Variants in CCDC33 observed in about 807,000 individuals in gnomAD.
The protein encoded by CCDC33 is coiled-coil domain-containing protein 33.
Under a neutral mutation model 91.9 loss-of-function variants are expected in CCDC33, and 94 were observed. The ratio of observed to expected loss-of-function variants is 1.02; its 90% CI spans 0.87 to 1.21. The LOEUF is 1.21. Among genes scored for constraint, CCDC33 ranks in the 50% most tolerant of loss-of-function variants. The pLI, the probability that CCDC33 is intolerant of heterozygous loss-of-function variation, is 0.00. For synonymous variants in CCDC33, 396 were observed against 374.5 expected (o/e 1.06, Z -0.66); for missense variants, 940 against 935.5 (o/e 1.00, Z -0.06).
chr15:74,217,911 C>T (rs987357403), intron 1 of CCDC33, among the ~76,000 whole-genome samples: 1 of 152,070 alleles, frequency 6.6e-6, no homozygotes, highest in African/African-American at 2.4e-5. Context: ...GACATTACAC[C>T]GAGTAATATT....
At chr15:74,221,231 T>TTG (rs2074587782) in intron 2 of CCDC33, 1 of 978,328 alleles carries the variant, frequency 1.0e-6, no homozygotes, top group Admixed American at 6.5e-5. Flanking sequence ...TTTTTTTTTT[T>TTG]TTTTTTTTTT....
intron 1 of CCDC33, among the ~76,000 whole-genome samples, chr15:74,241,465 C>T (rs2075346439): frequency 6.6e-6 from 1 of 152,172 alleles, no homozygotes; most frequent in Non-Finnish European, 1.5e-5. Context: ...GAGAAACAGC[C>T]AGGAGGCCAG....
At chr15:74,221,279 G>T in intron 2 of CCDC33, 1 of 950,324 alleles carries the variant, frequency 1.1e-6, no homozygotes, top group East Asian at 1.3e-4. Context: ...GGGCAGTGGA[G>T]CAGGGGCAGG....
chr15:74,208,713 C>T (rs769836154), intron 1 of CCDC33: 92 of 987,370 alleles, frequency 9.3e-5, no homozygotes, highest in Non-Finnish European at 1.1e-4. Flanking sequence ...CTCCTGCTCA[C>T]TTCCCACCGC....
intron 1 of CCDC33, among the ~76,000 whole-genome samples, chr15:74,239,591 C>A (rs543817714): frequency 1.3e-5 from 2 of 152,260 alleles, no homozygotes; most frequent in Non-Finnish European, 2.9e-5. Flanking sequence ...TCGGTGCTCA[C>A]AGCCCAGCCT....
At chr15:74,208,055 A>G (rs2074303088) in intron 1 of CCDC33, 1 of 1,301,226 alleles carries the variant, frequency 7.7e-7, no homozygotes, top group Non-Finnish European at 9.8e-7. Context: ...ATCATAACAT[A>G]AAGGATTTAG....
At chr15:74,269,271 C>G (rs1480859341) in intron 5 of CCDC33, among the ~76,000 whole-genome samples, 1 of 151,994 alleles carries the variant, frequency 6.6e-6, no homozygotes, top group Non-Finnish European at 1.5e-5. Context: ...TGAGCTTCCA[C>G]CTACCCAAAC....
At chr15:74,230,954 C>CT (rs1388380289) in intron 2 of CCDC33, among the ~76,000 whole-genome samples, 1 of 152,170 alleles carries the variant, frequency 6.6e-6, no homozygotes, top group African/African-American at 2.4e-5. Flanking sequence ...GCTGCCAAAT[C>CT]TTTTTGCCTA....
At chr15:74,280,523 A>T (rs1409672151) in intron 8 of CCDC33, 145 bp from the exon 9 acceptor site, 2 of 894,118 alleles carry the variant, frequency 2.2e-6, no homozygotes, top group Non-Finnish European at 3.2e-6. Context: ...AAAGCCCTGA[A>T]GATGAGAAGA....
At chr15:74,230,471 C>T (rs1566952820) in intron 2 of CCDC33, among the ~76,000 whole-genome samples, 1 of 152,162 alleles carries the variant, frequency 6.6e-6, no homozygotes, top group East Asian at 1.9e-4. Context: ...CCAAAAGCAA[C>T]GTTGCATCTT....
rs774731701 is a variant in CCDC33 at position 74,335,096 on chromosome 15, AC to A, written c.2139+14del. ...ATCATCATAGAACAGCCTGTGAGTGACCCCCCTGGAGTAGCTCCCAGGGGTT... is the reference window on the plus strand; with the variant it reads ...ATCATCATAGAACAGCCTGTGAGTGACCCCCTGGAGTAGCTCCCAGGGGTT... On this transcript the variant is annotated intron_variant, in intron 18 of 18. Coordinates refer to ENST00000398814, the MANE Select transcript of CCDC33 (RefSeq NM_025055.5). 5.6e-6 allele frequency: 9 copies of A among 1,604,394 alleles called. No individual in the cohort carries two copies. Among genetic ancestry groups the A allele is most frequent in the East Asian group, 2.2e-5 (1 of 44,802 alleles).
In CCDC33 at chr15:74,330,230, G is replaced by T. The variant is rs1360724085; in HGVS notation, c.1332G>T (p.Glu444Asp). ...NYRRAMQKMA[E>D]DILSLRRQAS... ...GGCGGGCCATGCAGAAGATGGCAGAGGACATCCTGTCTCTGCGGAGACAGG... is the reference window on the plus strand; with the variant it reads ...GGCGGGCCATGCAGAAGATGGCAGATGACATCCTGTCTCTGCGGAGACAGG... Residue 444 changes from glutamate to aspartate, a missense_variant, in exon 12 of 19, where the codon GAG becomes GAT. Physicochemically the swap from Glu to Asp is conservative, Grantham distance 45. Transcript: ENST00000398814. The T allele has an allele frequency of 1.2e-6, 2 of 1,612,798 alleles. No individual in the cohort carries two copies. The highest frequency in any genetic ancestry group is 2.2e-5 in the South Asian group (2 of 91,002).
At chr15:74,311,065 G>GGGGCCTCTAGCACA (rs996919953) in intron 11 of CCDC33, among the ~76,000 whole-genome samples, 2 of 152,142 alleles carry the variant, frequency 1.3e-5, no homozygotes, top group African/African-American at 4.8e-5. Flanking sequence ...CAGGGCGCAC[G>GGGGCCTCTAGCACA]GGGCCTGTAG....
intron 1 of CCDC33, 29 bp from the exon 2 acceptor site, chr15:74,243,956 A>C (rs1032082529): frequency 6.4e-7 from 1 of 1,564,828 alleles, no homozygotes; most frequent in African/African-American, 1.4e-5. Flanking sequence ...AAAAAAAAAA[A>C]AAACACTCAG....
chr15:74,233,247 T>C (rs984342931), upstream of CCDC33, among the ~76,000 whole-genome samples: 6 of 152,210 alleles, frequency 3.9e-5, no homozygotes, highest in African/African-American at 1.4e-4. Context: ...GGCAGGGGCG[T>C]GGGACCAGGG....
At chr15:74,230,377 A>G (rs11639316) in intron 2 of CCDC33, among the ~76,000 whole-genome samples, 69,905 of 152,050 alleles carry the variant, frequency 0.46, 19,066 homozygotes, top group Non-Finnish European at 0.63. Flanking sequence ...CTCCTGATGG[A>G]AGGAAATGGC....
intron 2 of CCDC33, among the ~76,000 whole-genome samples, chr15:74,250,448 G>C (rs1445243104): frequency 6.6e-6 from 1 of 152,054 alleles, no homozygotes; most frequent in Admixed American, 6.5e-5. Flanking sequence ...CCCACCCTAG[G>C]CATTCTCAGA....
intron 7 of CCDC33, among the ~76,000 whole-genome samples, chr15:74,278,911 G>C (rs545637390): frequency 6.6e-6 from 1 of 152,172 alleles, no homozygotes; most frequent in African/African-American, 2.4e-5. Flanking sequence ...CCCACACTGC[G>C]GGCACACGGA....
At chr15:74,238,440 G>A (rs2075248535) in intron 1 of CCDC33, among the ~76,000 whole-genome samples, 1 of 149,528 alleles carries the variant, frequency 6.7e-6, no homozygotes. Flanking sequence ...TGCTCATCAT[G>A]TATATATAAT....
Sources: allele counts gnomAD v4.1 joint callset (sites outside exome capture counted in the v4.1 genomes callset), GRCh38; gene constraint gnomAD v4.1.1; transcripts MANE v1.5; gene names NCBI Gene and HGNC (gene_info 2026-07-23, HGNC 2026-07-21).